The following MYOM3 variants were observed in gnomAD, a reference collection of about 807,000 sequenced individuals.
The protein encoded by MYOM3 is myomesin 3.
MYOM3 carries 155 observed loss-of-function variants against 191.7 expected under a neutral mutation model. The observed-to-expected ratio is 0.81, with a 90% CI of 0.71 to 0.92. MYOM3 has a LOEUF of 0.92. Ranked by LOEUF, MYOM3 falls within the 40% of genes least tolerant of loss-of-function variation. The pLI is 0.00. For synonymous variants in MYOM3, 757 were observed against 762.9 expected (o/e 0.99, Z 0.13); for missense variants, 1,889 against 1,890.6 (o/e 1.00, Z 0.02).
intron 23 of MYOM3, among the ~76,000 whole-genome samples, chr1:24,073,787 C>T (rs1213474629): frequency 1.4e-5 from 2 of 147,560 alleles, no homozygotes; most frequent in Admixed American, 1.4e-4. Context: ...TGCTTGAACC[C>T]GGGAGGCGGA....
intron 13 of MYOM3, among the ~76,000 whole-genome samples, 188 bp downstream of exon 13, chr1:24,089,877 C>T (rs1460095341): frequency 6.6e-6 from 1 of 152,272 alleles, no homozygotes; most frequent in East Asian, 1.9e-4. Flanking sequence ...CAATGTGTTC[C>T]CTCCTCCAGG....
chr1:24,073,761 G>T (rs527608521), intron 23 of MYOM3, among the ~76,000 whole-genome samples: 274 of 151,440 alleles, frequency 1.8e-3, no homozygotes, highest in African/African-American at 6.3e-3. Context: ...TACTTGGGAG[G>T]CTCAGGCAGG....
chr1:24,098,174 C>T (rs1463412620), intron 6 of MYOM3, among the ~76,000 whole-genome samples, 163 bp from the exon 7 acceptor site: 2 of 152,182 alleles, frequency 1.3e-5, no homozygotes, highest in Non-Finnish European at 2.9e-5. Flanking sequence ...TCTGGTTGGC[C>T]ACTGCACCTT....
Position 24,062,084 on chromosome 1 carries a change from G to A in MYOM3, c.3796C>T (p.Arg1266Trp), listed in dbSNP as rs754107216. The A allele has an allele frequency of 1.7e-5, 28 of 1,614,098 alleles. No homozygotes were observed. Among genetic ancestry groups the A allele is most frequent in the South Asian group, 1.6e-4 (15 of 91,072 alleles). Residue 1266 changes from arginine (R) to tryptophan (W), a missense_variant, in exon 33 of 37, where the codon CGG (arginine) becomes TGG (tryptophan). Physicochemically the swap from Arg to Trp is moderately radical, Grantham distance 101. Transcript: ENST00000374434. ...HKDKRLESGDRIRTGTTLDEI... is the reference protein window; with the variant it reads ...HKDKRLESGDWIRTGTTLDEI... The stretch of plus-strand genomic sequence containing the variant: ...TCCAGGGTGGTGCCCGTCCTTATCC[G>A]ATCACCACTCTCCAGACGTTTGTCT...
In MYOM3 at chr1:24,093,479, G is replaced by C. The variant is rs933048727; in HGVS notation, c.929-371C>G. ...TCAAAGAAGGAGGGCCCGTTTGGGG[G>C]AGGTGGGAGCTCAGTAAAGGGCCTG... On this transcript the variant is annotated intron_variant, in intron 9 of 36. Coordinates refer to ENST00000374434, the MANE Select transcript of MYOM3 (RefSeq NM_152372.4). Among the ~76,000 whole-genome samples the C allele has an allele frequency of 2.0e-5, 3 of 152,052 alleles. No individual in the cohort carries two copies. In the South Asian group the frequency reaches 6.2e-4, roughly 32 times the overall value.
intron 26 of MYOM3, 81 bp from the exon 27 acceptor site, chr1:24,068,110 AG>A: frequency 1.4e-6 from 2 of 1,396,498 alleles, no homozygotes; most frequent in Non-Finnish European, 1.9e-6. Flanking sequence ...ACAGAAGTCG[AG>A]GGGGCTGTGC....
rs201302124 is a variant in MYOM3 at position 24,081,423 on chromosome 1, A to G, written c.2314T>C (p.Phe772Leu). Residue 772 changes from phenylalanine (F) to leucine (L), a missense_variant, in exon 19 of 37, where the codon TTC becomes CTC. Coordinates refer to ENST00000374434, the MANE Select transcript of MYOM3 (RefSeq NM_152372.4). ...GCCCAGTTGGCAGCCCGGGCACGGA[A>G]CTCATAGAAGTGGCCTTCATGAAGG... ...SDLHEGHFYE[F>L]RARAANWAGV... 4.3e-5 allele frequency: 70 copies of G among 1,614,064 alleles called. No homozygotes were observed. Among genetic ancestry groups the G allele is most frequent in the Admixed American group, 1.5e-4 (9 of 60,008 alleles).
rs146865531 is a variant in MYOM3 at position 24,080,415 on chromosome 1, G to A, written c.2408-221C>T. Among the ~76,000 whole-genome samples, 724 of 152,258 alleles carry A rather than the reference G, an allele frequency of 4.8e-3. 9 individuals are homozygous for A. Among genetic ancestry groups the A allele is most frequent in the African/African-American group, 0.017 (690 of 41,548 alleles). On this transcript the variant is annotated intron_variant, in intron 19 of 36. Transcript: ENST00000374434. ...AACCACGGTTAACTTTTCAAAATGC[G>A]CTCAGCCTCCCCTCCTCCCGGTAGC... is the stretch of plus-strand genomic sequence containing the variant.
At chr1:24,077,630 A>G (rs1643617969) in intron 20 of MYOM3, among the ~76,000 whole-genome samples, 1 of 152,172 alleles carries the variant, frequency 6.6e-6, no homozygotes, top group Non-Finnish European at 1.5e-5. Flanking sequence ...CAATTGCAGC[A>G]TTTATCACGC....
intron 15 of MYOM3, among the ~76,000 whole-genome samples, chr1:24,086,059 C>T (rs1333564695): frequency 6.6e-6 from 1 of 152,054 alleles, no homozygotes; most frequent in African/African-American, 2.4e-5. Flanking sequence ...GAGGTGGGAG[C>T]CCTGGGAAGC....
Position 24,084,469 on chromosome 1 carries a change from T to C in MYOM3, c.1969A>G (p.Arg657Gly). 6.2e-7 allele frequency: 1 copy of C among 1,614,192 alleles called. No homozygotes were observed. Among genetic ancestry groups the C allele is most frequent in the Non-Finnish European group, 8.5e-7 (1 of 1,180,034 alleles). Reference sequence around the variant, plus strand: ...ACTGATACGGGTGGGCAGACGTACCTGGTGCCTTGGATGGGTTTGTTGTTA... The same window carrying C: ...ACTGATACGGGTGGGCAGACGTACCCGGTGCCTTGGATGGGTTTGTTGTTA... ...TVNNKPIQGT[R>G]FTVPGLRTGK... The change falls in exon 16 of 37, where the codon AGG (arginine) becomes GGG (glycine). Residue 657 changes from arginine to glycine, a missense_variant and splice_region_variant. Coordinates refer to ENST00000374434, the MANE Select transcript of MYOM3 (RefSeq NM_152372.4).
rs1050353335 is a variant in MYOM3 at position 24,075,218 on chromosome 1, G to T, written c.2858+101C>A. The T allele has an allele frequency of 3.4e-5, 40 of 1,190,788 alleles. No individual in the cohort carries two copies. In the African/African-American group the frequency reaches 6.0e-4, roughly 18 times the overall value. The allele number at this position is 1,190,788 out of a possible 1,614,324, so 73.8% of individuals were successfully genotyped here. ...CTGAGCAGCGCCTTTCAACCATCAT[G>T]GATGGGTCCTGCCCTGTGGTCTCAG... On this transcript the variant is annotated intron_variant, in intron 22 of 36. Transcript: ENST00000374434.
At chr1:24,082,814 G>A (rs1643690286) in intron 16 of MYOM3, 100 bp from the exon 17 acceptor site, 2 of 1,412,918 alleles carry the variant, frequency 1.4e-6, no homozygotes, top group South Asian at 3.1e-5. Context: ...CACCAGCGTG[G>A]TAGAATTTGA....
chr1:24,080,271 C>T, intron 19 of MYOM3, 77 bp from the exon 20 acceptor site: 2 of 1,195,056 alleles, frequency 1.7e-6, no homozygotes, highest in Non-Finnish European at 2.4e-6. Context: ...GCAAGCCCAG[C>T]AGTCAGTCAA....
chr1:24,107,951 C>T (rs199929004), intron 3 of MYOM3, 42 bp downstream of exon 3: 8 of 1,567,146 alleles, frequency 5.1e-6, no homozygotes, highest in Non-Finnish European at 7.0e-6. Flanking sequence ...ACAGGATGGC[C>T]CCTCCTCAGC....
At chr1:24,109,211 T>C (rs1644019636) in intron 1 of MYOM3, among the ~76,000 whole-genome samples, 1 of 152,182 alleles carries the variant, frequency 6.6e-6, no homozygotes, top group Non-Finnish European at 1.5e-5. Flanking sequence ...ACTGAGGGCA[T>C]GCTAATTAGC....
chr1:24,092,128 C>G, intron 11 of MYOM3, 46 bp downstream of exon 11: 2 of 1,399,134 alleles, frequency 1.4e-6, no homozygotes, highest in Non-Finnish European at 1.9e-6. Context: ...CACCACCAGA[C>G]AGAATTCTAC....
intron 19 of MYOM3, 147 bp downstream of exon 19, chr1:24,081,183 G>C (rs1570868611): frequency 1.0e-6 from 1 of 992,258 alleles, no homozygotes; most frequent in East Asian, 2.7e-5. Flanking sequence ...TTATAGAGTG[G>C]GTTTGTGCAA....
rs747631584 is a variant in MYOM3, at chr1:24,063,469, G to T, written c.3661+23C>A. The T allele has an allele frequency of 1.1e-5, 17 of 1,613,942 alleles. No homozygotes were observed. Among genetic ancestry groups the T allele is most frequent in the Non-Finnish European group, 1.4e-5 (16 of 1,179,934 alleles). On this transcript the variant is annotated intron_variant, in intron 31 of 36. Coordinates refer to ENST00000374434, the MANE Select transcript of MYOM3 (RefSeq NM_152372.4). This position sits in a 1 kb window ranked among gnomAD's most constrained non-coding sequence, Gnocchi z 4.5. ...TTGGGCATCAGGGCAGGGCAGGGCTGGGCAAAGAGGCAGGCTGCTTACCAC... is the reference window on the plus strand; with the variant it reads ...TTGGGCATCAGGGCAGGGCAGGGCTTGGCAAAGAGGCAGGCTGCTTACCAC...
Sources: gnomAD v4.1 joint callset for allele counts (sites outside exome capture counted in the v4.1 genomes callset) on GRCh38, gnomAD v4.1.1 for gene constraint, Gnocchi (gnomAD v3.1) non-coding constraint, MANE v1.5 for transcripts, NCBI Gene and HGNC (gene_info 2026-07-23, HGNC 2026-07-21) for gene names.